The following NOL4 variants were observed in gnomAD, a reference collection of about 807,000 sequenced individuals.
NOL4 encodes cancer/testis antigen 125.
Under a neutral mutation model 75.9 loss-of-function variants are expected in NOL4, and 17 were observed. The observed-to-expected ratio is 0.22, with a 90% CI of 0.15 to 0.34. The LOEUF (loss-of-function observed/expected upper bound fraction) is 0.34. Among genes scored for constraint, NOL4 ranks in the 10% least tolerant of loss-of-function variants. NOL4 has a pLI of 1.00. For synonymous variants in NOL4, 292 were observed against 289.9 expected, an observed-to-expected ratio of 1.01 and a Z score of -0.07; for missense variants, 614 against 793.5, an observed-to-expected ratio of 0.77 and a Z score of 2.72.
rs1292554603 is a variant in NOL4 at position 33,883,364 on chromosome 18, T to C, written c.1603A>G (p.Thr535Ala). The change falls in exon 10 of 11, where the codon ACA (threonine) becomes GCA (alanine). Residue 535 changes from threonine (T) to alanine (A), a missense_variant. Transcript: ENST00000261592. ...KPEATQATYS[T>A]SAVPGSQDVL... ...TCCTGTGAGCCTGGAACAGCTGATG[T>C]TGAGTAAGTGGCCTGGGTCGCCTCT... 2 of 1,613,310 alleles carry C rather than the reference T, an allele frequency of 1.2e-6. No individual in the cohort carries two copies. Among genetic ancestry groups the C allele is most frequent in the East Asian group, 2.2e-5 (1 of 44,814 alleles).
intron 6 of NOL4, among the ~76,000 whole-genome samples, chr18:33,972,091 G>A (rs2071110549): frequency 6.6e-6 from 1 of 151,638 alleles, no homozygotes; most frequent in Non-Finnish European, 1.5e-5. Context: ...TTGAACCCGG[G>A]AGGTGGAGGT....
At chr18:34,045,468 T>C (rs541711879) in intron 5 of NOL4, among the ~76,000 whole-genome samples, 8 of 152,248 alleles carry the variant, frequency 5.3e-5, no homozygotes, top group East Asian at 3.9e-4. Flanking sequence ...CAAATGCCCA[T>C]TGACCCCTAT....
At chr18:34,048,242 T>C (rs2076469952) in intron 5 of NOL4, among the ~76,000 whole-genome samples, 1 of 152,170 alleles carries the variant, frequency 6.6e-6, no homozygotes, top group Non-Finnish European at 1.5e-5. Context: ...AGATTTTAGA[T>C]GGATATTTAA....
At chr18:33,979,032 A>C (rs1369668811) in intron 6 of NOL4, among the ~76,000 whole-genome samples, 1 of 152,112 alleles carries the variant, frequency 6.6e-6, no homozygotes, top group Non-Finnish European at 1.5e-5. Context: ...TTTAAATTAA[A>C]TAAAGGCTAA....
intron 1 of NOL4, among the ~76,000 whole-genome samples, chr18:34,132,508 G>T (rs928701707): frequency 3.3e-5 from 5 of 152,060 alleles, no homozygotes; most frequent in South Asian, 2.1e-4. Context: ...GAGGAAAATT[G>T]TCTATTATCT....
At chr18:34,115,334 C>T (rs942574468) in intron 2 of NOL4, among the ~76,000 whole-genome samples, 12 of 152,100 alleles carry the variant, frequency 7.9e-5, no homozygotes, top group African/African-American at 2.9e-4. Context: ...TGGCCAGGCA[C>T]GTCACCCAAG....
At chr18:34,080,832 C>A (rs1453575997) in intron 5 of NOL4, among the ~76,000 whole-genome samples, 1 of 152,056 alleles carries the variant, frequency 6.6e-6, no homozygotes. Context: ...TAAGGTTTAG[C>A]TTTGAAATGG....
intron 1 of NOL4, among the ~76,000 whole-genome samples, chr18:34,187,129 G>C (rs1339125155): frequency 1.3e-5 from 2 of 152,018 alleles, no homozygotes; most frequent in African/African-American, 4.8e-5. Flanking sequence ...ATCCACCATT[G>C]TAATATAATA....
At chr18:34,013,105 T>C (rs1273556942) in intron 6 of NOL4, among the ~76,000 whole-genome samples, 5 of 152,000 alleles carry the variant, frequency 3.3e-5, no homozygotes, top group Non-Finnish European at 5.9e-5. Context: ...TTACATTGGG[T>C]TGCTTTGAGT....
At chr18:34,075,783 C>T (rs768073154) in intron 5 of NOL4, among the ~76,000 whole-genome samples, 2 of 152,136 alleles carry the variant, frequency 1.3e-5, no homozygotes, top group East Asian at 1.9e-4. Context: ...AGCTGGAAGA[C>T]GAGTACATTC....
At chr18:33,879,593 A>C (rs2064136174) in intron 10 of NOL4, among the ~76,000 whole-genome samples, 1 of 152,094 alleles carries the variant, frequency 6.6e-6, no homozygotes, top group Admixed American at 6.6e-5. Flanking sequence ...AGATGGGAGG[A>C]TCACTTGAGC....
At chr18:34,184,631 T>G (rs754440050) in intron 1 of NOL4, among the ~76,000 whole-genome samples, 6 of 152,058 alleles carry the variant, frequency 3.9e-5, no homozygotes, top group Non-Finnish European at 5.9e-5. Context: ...GCAAGAATTC[T>G]GAGAAGGTGG....
Position 34,102,635 on chromosome 18 carries a change from G to A in NOL4, c.639+1412C>T, listed in dbSNP as rs542678291. On this transcript the variant is annotated intron_variant, in intron 4 of 10. Transcript: ENST00000261592. ...ATTTTTTAGAAGCCAGAAGGGATCA[G>A]CATATGTGGGCGCATTGTTGGCACA... is the stretch of plus-strand genomic sequence containing the variant. Among the ~76,000 whole-genome samples, 3 of 152,082 alleles carry A rather than the reference G, an allele frequency of 2.0e-5. No individual in the cohort carries two copies. In the East Asian group the frequency reaches 5.8e-4, roughly 29 times the overall value.
At chr18:33,902,221 G>T (rs1303483778) in intron 9 of NOL4, among the ~76,000 whole-genome samples, 1 of 151,982 alleles carries the variant, frequency 6.6e-6, no homozygotes. Flanking sequence ...GTTAAATGAG[G>T]TTTTCTTAAG....
At chr18:34,164,479 A>G (rs1283672317) in intron 1 of NOL4, among the ~76,000 whole-genome samples, 2 of 152,198 alleles carry the variant, frequency 1.3e-5, no homozygotes, top group South Asian at 2.1e-4. Flanking sequence ...GCAGCCAAAA[A>G]ACACATGAAA....
chr18:33,915,666 A>C (rs2066677411), intron 9 of NOL4, among the ~76,000 whole-genome samples: 1 of 152,162 alleles, frequency 6.6e-6, no homozygotes, highest in Non-Finnish European at 1.5e-5. Flanking sequence ...TATATGAAGA[A>C]CTGTCTTATG....
chr18:34,021,789 A>G (rs1195401811), intron 5 of NOL4, among the ~76,000 whole-genome samples: 3 of 152,180 alleles, frequency 2.0e-5, no homozygotes, highest in Admixed American at 2.0e-4. Context: ...GGAATAGGCA[A>G]GAGTCTAAGA....
At chr18:34,004,162 A>G (rs2073900327) in intron 6 of NOL4, among the ~76,000 whole-genome samples, 1 of 152,094 alleles carries the variant, frequency 6.6e-6, no homozygotes, top group African/African-American at 2.4e-5. Flanking sequence ...ACCTATGACC[A>G]GGAAACCACT....
At chr18:34,128,596 G>A (rs2080488232) in intron 2 of NOL4, among the ~76,000 whole-genome samples, 1 of 151,822 alleles carries the variant, frequency 6.6e-6, no homozygotes, top group South Asian at 2.1e-4. Context: ...ATGTCTCCTG[G>A]AATGTGTAAG....
Sources: allele counts gnomAD v4.1 joint callset (sites outside exome capture counted in the v4.1 genomes callset), GRCh38; gene constraint gnomAD v4.1.1; transcripts MANE v1.5; gene names NCBI Gene and HGNC (gene_info 2026-07-23, HGNC 2026-07-21).